TUT7: variants seen among roughly 807,000 people sequenced by gnomAD.
The protein encoded by TUT7 is terminal uridylyltransferase 7.
TUT7 carries 33 observed loss-of-function variants against 165.9 expected under a neutral mutation model. The ratio of observed to expected loss-of-function variants is 0.20; its 90% CI spans 0.15 to 0.27. The LOEUF is 0.27. TUT7 is among the 10% of genes least tolerant of loss of function. The pLI is 1.00. For synonymous variants in TUT7, 552 were observed against 608.1 expected (o/e 0.91, Z 1.36); for missense variants, 1,338 against 1,762.3 (o/e 0.76, Z 4.31).
At chr9:86,327,147 C>T (rs1207950641) in intron 11 of TUT7, among the ~76,000 whole-genome samples, 1 of 152,128 alleles carries the variant, frequency 6.6e-6, no homozygotes, top group Non-Finnish European at 1.5e-5. Context: ...ATAAACCCCC[C>T]AGAAATTTTA....
At chr9:86,327,342 A>C (rs1218905383) in intron 11 of TUT7, among the ~76,000 whole-genome samples, 1 of 152,212 alleles carries the variant, frequency 6.6e-6, no homozygotes. Flanking sequence ...TAAAATAAGA[A>C]TAGCAGCTAA....
chr9:86,349,145 G>A (rs932962512), intron 2 of TUT7, among the ~76,000 whole-genome samples: 7 of 151,962 alleles, frequency 4.6e-5, no homozygotes, highest in African/African-American at 1.5e-4. Context: ...TGGGCGTGGT[G>A]GCAGGCACCT....
intron 22 of TUT7, among the ~76,000 whole-genome samples, chr9:86,305,532 A>G (rs1179578993): frequency 6.6e-6 from 1 of 152,328 alleles, no homozygotes; most frequent in African/African-American, 2.4e-5. Flanking sequence ...TTAAATCATT[A>G]TAAAGCTCTT....
rs538151847 is a variant in TUT7 at position 86,346,117 on chromosome 9, T to C, written c.702+182A>G. On this transcript the variant is annotated intron_variant, in intron 3 of 26. Coordinates refer to ENST00000375963, the MANE Select transcript of TUT7 (RefSeq NM_024617.4). ...TCACTACCCTAACAGTCATTTTAAG[T>C]ATAATAGCAATGACTCCTAATCCTA... Among the ~76,000 whole-genome samples, 34 of 152,290 alleles carry C rather than the reference T, an allele frequency of 2.2e-4. No homozygotes were observed. The South Asian group carries it at 7.0e-3, about 32-fold the overall frequency.
At chr9:86,316,234 T>A (rs911358478) in intron 17 of TUT7, among the ~76,000 whole-genome samples, 1 of 152,180 alleles carries the variant, frequency 6.6e-6, no homozygotes, top group Non-Finnish European at 1.5e-5. Context: ...TGTGCATGGT[T>A]TACAAAATCT....
rs184803555 is a variant in TUT7 at position 86,337,972 on chromosome 9, G to A, written c.1336-434C>T. 3.1e-3 allele frequency among the ~76,000 whole-genome samples: 474 copies of A among 152,216 alleles called. 7 individuals carry two copies. The highest frequency in any genetic ancestry group is 2.5e-3 in the Non-Finnish European group (168 of 68,016). ...GGTCACAAAGATTGGCGTGGGGAGA[G>A]AACGTGGACAAACTCATCACCACTA... is the stretch of plus-strand genomic sequence containing the variant. On this transcript the variant is annotated intron_variant, in intron 9 of 26. Transcript: ENST00000375963.
chr9:86,343,036 T>C (rs753707899), intron 6 of TUT7, 39 bp downstream of exon 6: 19 of 1,279,714 alleles, frequency 1.5e-5, no homozygotes, highest in Admixed American at 9.2e-5. Flanking sequence ...AGAATTTCCA[T>C]ACCACTCTGA....
In TUT7 at chr9:86,323,264, T is replaced by C. The variant is rs1829486268; in HGVS notation, c.2486A>G (p.His829Arg). The change falls in exon 13 of 27, where the codon CAC becomes CGC. Residue 829 changes from histidine (H) to arginine (R), a missense_variant. Around this residue, in one of 7 missense-constraint regions of TUT7, gnomAD observed 425 missense variants for 474.9 expected, o/e 0.89. Transcript: ENST00000375963. The part of the protein sequence containing the change: ...GTEELEDSLN[H>R]FTHSVQGQTS... ...CTGGCCCTGTACTGAGTGGGTAAAG[T>C]GGTTTAGAGAGTCTTCTAGTTCCTC... 4.3e-6 allele frequency: 7 copies of C among 1,614,046 alleles called. No homozygotes were observed. Among genetic ancestry groups the C allele is most frequent in the Non-Finnish European group, 5.9e-6 (7 of 1,180,036 alleles).
intron 4 of TUT7, 78 bp from the exon 5 acceptor site, chr9:86,345,232 T>G (rs1831653560): frequency 2.9e-6 from 4 of 1,387,864 alleles, no homozygotes; most frequent in Non-Finnish European, 3.9e-6. Flanking sequence ...GACAACACCC[T>G]ATAGAGTTTT....
At chr9:86,312,708 G>A (rs1828295319) in intron 17 of TUT7, among the ~76,000 whole-genome samples, 1 of 152,192 alleles carries the variant, frequency 6.6e-6, no homozygotes, top group Non-Finnish European at 1.5e-5. Flanking sequence ...AAATCGGATG[G>A]TTGCCGTGTC....
chr9:86,328,557 A>G, intron 10 of TUT7, 65 bp from the exon 11 acceptor site: 1 of 1,360,094 alleles, frequency 7.4e-7, no homozygotes, highest in Non-Finnish European at 9.9e-7. Context: ...ACAGTCTACT[A>G]ATCTTGGAAT....
At chr9:86,348,469 G>A (rs541571951) in intron 2 of TUT7, among the ~76,000 whole-genome samples, 3 of 152,218 alleles carry the variant, frequency 2.0e-5, no homozygotes, top group African/African-American at 7.2e-5. Flanking sequence ...AATATGGATG[G>A]GGCCAGGTGC....
At chr9:86,326,383 T>C (rs968888439) in intron 11 of TUT7, 2 of 154,828 alleles carry the variant, frequency 1.3e-5, no homozygotes, top group African/African-American at 4.8e-5. Context: ...CATAGGGTTG[T>C]TGGGAGGACT....
intron 2 of TUT7, among the ~76,000 whole-genome samples, chr9:86,350,993 G>A (rs1832241812): frequency 3.3e-5 from 5 of 151,992 alleles, no homozygotes; most frequent in Admixed American, 3.3e-4. Context: ...AATTAGCTGG[G>A]CATGGTGGTG....
At chr9:86,333,704 T>G (rs1830518491) in intron 10 of TUT7, among the ~76,000 whole-genome samples, 1 of 152,242 alleles carries the variant, frequency 6.6e-6, no homozygotes, top group Non-Finnish European at 1.5e-5. Flanking sequence ...ACATTTGTCA[T>G]ATCCAACTTA....
chr9:86,309,779 A>C, intron 19 of TUT7, 149 bp downstream of exon 19: 1 of 916,218 alleles, frequency 1.1e-6, no homozygotes, highest in Non-Finnish European at 1.6e-6. Context: ...ATTCAGAACA[A>C]AATTTTAGCT....
intron 24 of TUT7, among the ~76,000 whole-genome samples, chr9:86,303,839 T>A (rs191530220): frequency 1.3e-5 from 2 of 152,318 alleles, no homozygotes; most frequent in East Asian, 3.9e-4. Flanking sequence ...AGGTGATTTG[T>A]TCGAACAAGT....
chr9:86,333,627 A>AT (rs1317399267), intron 10 of TUT7, among the ~76,000 whole-genome samples: 3 of 152,134 alleles, frequency 2.0e-5, no homozygotes, highest in African/African-American at 7.2e-5. Flanking sequence ...CATGTTGTCC[A>AT]TTTTTTCCAT....
chr9:86,344,352 C>T (rs1467772910), intron 5 of TUT7, among the ~76,000 whole-genome samples: 4 of 152,208 alleles, frequency 2.6e-5, no homozygotes, highest in Admixed American at 2.0e-4. Context: ...CAAGGATTGA[C>T]AGCAGTTGTG....
Sources: gnomAD v4.1 joint callset for allele counts (sites outside exome capture counted in the v4.1 genomes callset) on GRCh38, gnomAD v4.1.1 for gene constraint, gnomAD v4.1.1 regional missense constraint, MANE v1.5 for transcripts, NCBI Gene and HGNC (gene_info 2026-07-23, HGNC 2026-07-21) for gene names.